The following FAM163A variants were observed in gnomAD, a reference collection of about 807,000 sequenced individuals.
FAM163A encodes protein FAM163A.
Under a neutral mutation model 12.0 loss-of-function variants are expected in FAM163A, and 7 were observed. The ratio of observed to expected loss-of-function variants is 0.58; its 90% CI spans 0.33 to 1.10. The LOEUF (loss-of-function observed/expected upper bound fraction) is 1.10. Among genes scored for constraint, FAM163A ranks in the 50% least tolerant of loss-of-function variants. FAM163A has a pLI of 0.03. For synonymous variants in FAM163A, 101 were observed against 91.0 expected (o/e 1.11, Z -0.62); for missense variants, 202 against 218.6 (o/e 0.92, Z 0.48).
At chr1:179,767,538 C>T (rs1687676782) in intron 1 of FAM163A, among the ~76,000 whole-genome samples, 1 of 152,174 alleles carries the variant, frequency 6.6e-6, no homozygotes, top group Non-Finnish European at 1.5e-5. Context: ...CCTTTTTTCC[C>T]TGGAATGTTC....
the FAM163A span, among the ~76,000 whole-genome samples, chr1:179,735,678 T>G: frequency 2.0e-5 from 3 of 151,572 alleles, no homozygotes; most frequent in African/African-American, 7.3e-5. Flanking sequence ...TAATTTTTTG[T>G]ATTTATAGTA....
chr1:179,751,103 G>T (rs1220893145), intron 1 of FAM163A, among the ~76,000 whole-genome samples: 2 of 152,152 alleles, frequency 1.3e-5, no homozygotes, highest in African/African-American at 4.8e-5. Context: ...CCATCTGAGT[G>T]GATGGGTCAA....
chr1:179,738,785 G>A (rs1683288801), upstream of FAM163A, among the ~76,000 whole-genome samples: 1 of 152,054 alleles, frequency 6.6e-6, no homozygotes, highest in Non-Finnish European at 1.5e-5. Flanking sequence ...ATATCAATGA[G>A]AATTTTTGTA....
chr1:179,804,837 A>G (rs1036489837), intron 1 of FAM163A, among the ~76,000 whole-genome samples: 2 of 152,196 alleles, frequency 1.3e-5, no homozygotes, highest in Non-Finnish European at 2.9e-5. Flanking sequence ...GGGGACAGAA[A>G]AAAATAACTA....
At chr1:179,763,046 C>T (rs552959440) in intron 1 of FAM163A, among the ~76,000 whole-genome samples, 7 of 152,296 alleles carry the variant, frequency 4.6e-5, no homozygotes, top group Admixed American at 1.3e-4. Flanking sequence ...CTCAAAGAGG[C>T]AGCTTAGAAT....
intron 1 of FAM163A, among the ~76,000 whole-genome samples, chr1:179,751,122 G>GTGGA (rs1312970196): frequency 1.3e-5 from 2 of 152,138 alleles, no homozygotes; most frequent in Admixed American, 1.3e-4. Flanking sequence ...AAGAGAACAG[G>GTGGA]TGGATATACA....
the FAM163A span, among the ~76,000 whole-genome samples, chr1:179,733,716 C>G: frequency 6.6e-6 from 1 of 152,158 alleles, no homozygotes; most frequent in Non-Finnish European, 1.5e-5. Flanking sequence ...CACTTCAAAA[C>G]AGGCACAAAG....
At chr1:179,741,219 G>A (rs771865206), upstream of FAM163A, among the ~76,000 whole-genome samples, 2 of 152,190 alleles carry the variant, frequency 1.3e-5, no homozygotes, top group Admixed American at 6.5e-5. Context: ...GATATGAAAC[G>A]AAGATCACAG....
At chr1:179,781,680 A>C (rs186287605) in intron 1 of FAM163A, among the ~76,000 whole-genome samples, 1 of 152,290 alleles carries the variant, frequency 6.6e-6, no homozygotes, top group African/African-American at 2.4e-5. Context: ...TCATGCCTGT[A>C]ATCCCAGCAC....
intron 1 of FAM163A, among the ~76,000 whole-genome samples, chr1:179,766,766 C>T (rs79792678): frequency 0.11 from 15,316 of 141,400 alleles, 887 homozygotes; most frequent in Non-Finnish European, 0.14. Flanking sequence ...TTTTTTTTTT[C>T]GGTTTGGAGA....
chr1:179,777,747 G>A (rs552895247), intron 1 of FAM163A, among the ~76,000 whole-genome samples: 1 of 152,262 alleles, frequency 6.6e-6, no homozygotes, highest in South Asian at 2.1e-4. Flanking sequence ...CCCTTTAAGA[G>A]GATCCTCAGG....
the FAM163A span, among the ~76,000 whole-genome samples, chr1:179,731,345 T>A: frequency 1.3e-5 from 2 of 152,130 alleles, no homozygotes; most frequent in African/African-American, 2.4e-5. Context: ...AGAAGTGAAG[T>A]AGCTGTAAAT....
At chr1:179,750,185 C>T (rs1685069139) in intron 1 of FAM163A, among the ~76,000 whole-genome samples, 1 of 152,120 alleles carries the variant, frequency 6.6e-6, no homozygotes, top group Admixed American at 6.5e-5. Context: ...ATTGCATTGT[C>T]AAGATGTCAG....
intron 1 of FAM163A, among the ~76,000 whole-genome samples, chr1:179,774,438 T>A (rs1243210995): frequency 6.6e-6 from 1 of 152,244 alleles, no homozygotes; most frequent in Non-Finnish European, 1.5e-5. Flanking sequence ...TCTAAACTTG[T>A]AGGCAGAATT....
chr1:179,808,231 T>C (rs1434886699), intron 2 of FAM163A, among the ~76,000 whole-genome samples: 1 of 152,274 alleles, frequency 6.6e-6, no homozygotes, highest in Non-Finnish European at 1.5e-5. Context: ...AATGACTTAA[T>C]GGTCTCGCTT....
chr1:179,772,150 G>A (rs1163645621), intron 1 of FAM163A, among the ~76,000 whole-genome samples: 2 of 152,088 alleles, frequency 1.3e-5, no homozygotes, highest in African/African-American at 4.8e-5. Flanking sequence ...AACTCCTCCG[G>A]ACTTTCTGTT....
chr1:179,781,678 G>A (rs1228023246), intron 1 of FAM163A, among the ~76,000 whole-genome samples: 1 of 152,158 alleles, frequency 6.6e-6, no homozygotes, highest in Non-Finnish European at 1.5e-5. Context: ...GCTCATGCCT[G>A]TAATCCCAGC....
At chr1:179,729,139 T>C in the FAM163A span, among the ~76,000 whole-genome samples, 1 of 152,216 alleles carries the variant, frequency 6.6e-6, no homozygotes, top group African/African-American at 2.4e-5. Flanking sequence ...TCTTCCCTTG[T>C]TGTTTCTTTA....
chr1:179,770,756 C>T (rs944740724), intron 1 of FAM163A, among the ~76,000 whole-genome samples: 9 of 152,144 alleles, frequency 5.9e-5, no homozygotes, highest in Admixed American at 3.9e-4. Flanking sequence ...ATCCCTTGAC[C>T]TCCTCTCCCC....
Sources: gnomAD v4.1 joint callset for allele counts (sites outside exome capture counted in the v4.1 genomes callset) on GRCh38, gnomAD v4.1.1 for gene constraint, MANE v1.5 for transcripts, NCBI Gene and HGNC (gene_info 2026-07-23, HGNC 2026-07-21) for gene names.